Variants in GPC5 observed in about 807,000 individuals in gnomAD.
GPC5 encodes the protein glypican 5.
In GPC5, 47 loss-of-function variants were observed where a neutral mutation model predicts 53.9. That is an observed-to-expected ratio of 0.87 (90% CI 0.69 to 1.11). The LOEUF is 1.11. Among genes scored for constraint, GPC5 ranks in the 50% most tolerant of loss-of-function variants. The probability of loss-of-function intolerance (pLI) is 0.00; values close to 1 mark genes in which losing one functional copy is unlikely to be tolerated. For missense variants in GPC5, 748 were observed against 713.1 expected (o/e 1.05, Z -0.56); for synonymous variants, 286 against 263.3 (o/e 1.09, Z -0.84).
intron 7 of GPC5, among the ~76,000 whole-genome samples, chr13:92,606,786 G>GT (rs569478420): frequency 5.3e-5 from 8 of 151,658 alleles, no homozygotes; most frequent in East Asian, 1.9e-4. Flanking sequence ...TTTTGGGGGA[G>GT]TTTTTTTTCA....
At chr13:92,050,109 A>C (rs548292294) in intron 6 of GPC5, among the ~76,000 whole-genome samples, 1 of 152,314 alleles carries the variant, frequency 6.6e-6, no homozygotes, top group Admixed American at 6.5e-5. Flanking sequence ...CATGATTCTA[A>C]GAGGAAATGA....
At chr13:91,610,942 G>C (rs898293808) in intron 2 of GPC5, among the ~76,000 whole-genome samples, 1 of 152,080 alleles carries the variant, frequency 6.6e-6, no homozygotes, top group African/African-American at 2.4e-5. Flanking sequence ...TAAAGGCATG[G>C]GGGTCCTAAC....
chr13:92,388,238 T>C (rs764235991), intron 7 of GPC5, among the ~76,000 whole-genome samples: 12 of 152,178 alleles, frequency 7.9e-5, no homozygotes, highest in Admixed American at 2.0e-4. Flanking sequence ...TAGTGAAAAA[T>C]AAAAAGAAAT....
chr13:92,028,811 A>G (rs927973713), intron 6 of GPC5, among the ~76,000 whole-genome samples: 8 of 152,204 alleles, frequency 5.3e-5, no homozygotes, highest in African/African-American at 1.9e-4. Context: ...TAATAAAAAA[A>G]GCAAGTCTCC....
At chr13:92,632,027 T>G (rs1308624245) in intron 7 of GPC5, among the ~76,000 whole-genome samples, 1 of 152,168 alleles carries the variant, frequency 6.6e-6, no homozygotes, top group Non-Finnish European at 1.5e-5. Context: ...CTGTCCCTGT[T>G]TGGAAACAGT....
chr13:92,327,560 T>C (rs2043260795), intron 7 of GPC5, among the ~76,000 whole-genome samples: 1 of 152,144 alleles, frequency 6.6e-6, no homozygotes, highest in Non-Finnish European at 1.5e-5. Context: ...GCAGGCAGAA[T>C]AGCTTGTTTC....
chr13:92,595,178 A>G (rs1022803463), intron 7 of GPC5, among the ~76,000 whole-genome samples: 5 of 152,202 alleles, frequency 3.3e-5, no homozygotes, highest in Non-Finnish European at 7.3e-5. Flanking sequence ...CTGTCATAGA[A>G]GACCTTCAGA....
intron 7 of GPC5, among the ~76,000 whole-genome samples, chr13:92,842,960 C>T (rs975850614): frequency 1.3e-5 from 2 of 152,066 alleles, no homozygotes; most frequent in Non-Finnish European, 2.9e-5. Context: ...CCAAATGAAA[C>T]GACATAGATC....
chr13:92,290,918 C>T (rs1419533880), intron 7 of GPC5, among the ~76,000 whole-genome samples: 1 of 152,126 alleles, frequency 6.6e-6, no homozygotes, highest in Admixed American at 6.5e-5. Flanking sequence ...CGGGGCTGCG[C>T]ACAGTGCTTG....
At chr13:92,366,149 T>C (rs943701486) in intron 7 of GPC5, among the ~76,000 whole-genome samples, 6 of 151,712 alleles carry the variant, frequency 4.0e-5, no homozygotes, top group Non-Finnish European at 8.8e-5. Context: ...AATTTTTAGC[T>C]GTATTATGAT....
chr13:92,850,582 G>C (rs527983462), intron 7 of GPC5, among the ~76,000 whole-genome samples: 121 of 152,186 alleles, frequency 8.0e-4, no homozygotes, highest in African/African-American at 2.8e-3. Context: ...CTAGGCAACA[G>C]AGCGAGACTC....
intron 4 of GPC5, among the ~76,000 whole-genome samples, chr13:91,749,719 C>G (rs516061): frequency 0.63 from 95,680 of 152,106 alleles, 30,581 homozygotes; most frequent in South Asian, 0.75. Flanking sequence ...TATAAGTGTT[C>G]CCTTTTCTCC....
intron 2 of GPC5, among the ~76,000 whole-genome samples, chr13:91,688,640 G>A (rs1195044112): frequency 6.6e-6 from 1 of 152,098 alleles, no homozygotes; most frequent in Non-Finnish European, 1.5e-5. Context: ...GAAGTACAGA[G>A]ATTTGTTTGG....
chr13:92,201,889 A>C (rs2139061707), intron 7 of GPC5, among the ~76,000 whole-genome samples: 1 of 152,316 alleles, frequency 6.6e-6, no homozygotes, highest in African/African-American at 2.4e-5. Context: ...GTAATAAGGG[A>C]AATTGATTTT....
intron 7 of GPC5, among the ~76,000 whole-genome samples, chr13:92,830,615 G>A (rs1371506430): frequency 6.6e-6 from 1 of 151,876 alleles, no homozygotes; most frequent in African/African-American, 2.4e-5. Context: ...TTAAAGCATG[G>A]GATTTTTTTT....
At chr13:92,160,249 T>C (rs2041977369) in intron 7 of GPC5, among the ~76,000 whole-genome samples, 1 of 152,200 alleles carries the variant, frequency 6.6e-6, no homozygotes, top group Admixed American at 6.5e-5. Flanking sequence ...TAAAGGTCTA[T>C]ATACCAATTC....
chr13:91,549,027 T>G (rs1410024578), intron 2 of GPC5, among the ~76,000 whole-genome samples: 1 of 152,090 alleles, frequency 6.6e-6, no homozygotes, highest in Non-Finnish European at 1.5e-5. Flanking sequence ...TCCCAGCACT[T>G]TGGGAGGCCA....
chr13:91,819,145 T>A lies in GPC5; in HGVS notation c.1280+62725T>A, dbSNP rs1177420367. Reference sequence around the variant, plus strand: ...AATTATTTCTTTTTATTAAAAAAAATATGCGCTTTTTTTTTTTTTTTTTTT... The same window carrying A: ...AATTATTTCTTTTTATTAAAAAAAAAATGCGCTTTTTTTTTTTTTTTTTTT... On this transcript the variant is annotated intron_variant, in intron 5 of 7. Coordinates refer to ENST00000377067, the MANE Select transcript of GPC5 (RefSeq NM_004466.6). Among the ~76,000 whole-genome samples the A allele has an allele frequency of 3.0e-5, 4 of 135,068 alleles. No individual in the cohort carries two copies. In the East Asian group the frequency reaches 6.7e-4, roughly 23 times the overall value. 88.6% of individuals were successfully genotyped at this position (135,068 alleles called of 152,430 possible).
At chr13:92,447,365 A>T (rs890162284) in intron 7 of GPC5, 2 of 152,136 alleles carry the variant, frequency 1.3e-5, no homozygotes, top group African/African-American at 2.4e-5. Flanking sequence ...GATGCAAGAT[A>T]TGCACATTTA....
Sources: gnomAD v4.1 joint callset for allele counts (sites outside exome capture counted in the v4.1 genomes callset) on GRCh38, gnomAD v4.1.1 for gene constraint, MANE v1.5 for transcripts, NCBI Gene and HGNC (gene_info 2026-07-23, HGNC 2026-07-21) for gene names.